SGCZ: variants seen among roughly 807,000 people sequenced by gnomAD.
SGCZ encodes sarcoglycan zeta, also known as zeta-sarcoglycan.
In SGCZ, 40 loss-of-function variants were observed where a neutral mutation model predicts 41.3. The observed-to-expected ratio is 0.97, with a 90% confidence interval of 0.75 to 1.26. The LOEUF (loss-of-function observed/expected upper bound fraction) is 1.26. SGCZ is among the 50% of genes most tolerant of loss of function. The pLI is 0.00. For synonymous variants in SGCZ, 206 were observed against 137.5 expected (o/e 1.50, Z -3.49); for missense variants, 552 against 369.8 (o/e 1.49, Z -4.04).
chr8:14,945,831 C>G (rs1044840795), intron 1 of SGCZ, among the ~76,000 whole-genome samples: 2 of 150,846 alleles, frequency 1.3e-5, no homozygotes, highest in Admixed American at 6.6e-5. Flanking sequence ...GTTACCCCCT[C>G]AGGTTCTCAC....
chr8:15,011,344 A>G (rs1802821505), intron 1 of SGCZ, among the ~76,000 whole-genome samples: 1 of 152,202 alleles, frequency 6.6e-6, no homozygotes, highest in South Asian at 2.1e-4. Context: ...CGGCCATTAC[A>G]GAGTCCACAA....
At chr8:14,746,789 C>T (rs940661018) in intron 1 of SGCZ, among the ~76,000 whole-genome samples, 1 of 152,088 alleles carries the variant, frequency 6.6e-6, no homozygotes, top group Non-Finnish European at 1.5e-5. Context: ...GTATACCAAA[C>T]AGTATTTTTG....
chr8:14,425,347 G>C (rs370646193), intron 2 of SGCZ, among the ~76,000 whole-genome samples: 1 of 152,036 alleles, frequency 6.6e-6, no homozygotes, highest in South Asian at 2.1e-4. Context: ...TTGGATGGTC[G>C]TGATGGCTCA....
intron 1 of SGCZ, among the ~76,000 whole-genome samples, chr8:15,125,108 T>C (rs1006461912): frequency 7.9e-5 from 12 of 152,328 alleles, no homozygotes; most frequent in African/African-American, 2.6e-4. Context: ...TTTTACCATC[T>C]TCTTTGGCAA....
intron 2 of SGCZ, among the ~76,000 whole-genome samples, chr8:14,437,199 T>A (rs76969220): frequency 0.032 from 4,877 of 152,240 alleles, 157 homozygotes; most frequent in African/African-American, 0.081. Context: ...AAAATCATGA[T>A]TATGCAATGG....
chr8:14,516,639 A>G (rs185486652), intron 2 of SGCZ, among the ~76,000 whole-genome samples: 2 of 152,204 alleles, frequency 1.3e-5, no homozygotes, highest in African/African-American at 2.4e-5. Context: ...GTTTGGTACT[A>G]TTCCTAAAAA....
chr8:14,443,474 T>C (rs892377331), intron 2 of SGCZ, among the ~76,000 whole-genome samples: 8 of 152,024 alleles, frequency 5.3e-5, no homozygotes, highest in Admixed American at 1.3e-4. Context: ...TATAGATCAA[T>C]GGAACAGAAC....
chr8:14,195,445 G>T (rs1585220456), intron 4 of SGCZ, among the ~76,000 whole-genome samples: 1 of 152,036 alleles, frequency 6.6e-6, no homozygotes, highest in East Asian at 1.9e-4. Context: ...CTTAGAATTT[G>T]GAGTCTCTGA....
intron 1 of SGCZ, among the ~76,000 whole-genome samples, chr8:15,000,459 T>C (rs1005258991): frequency 7.2e-5 from 11 of 152,296 alleles, no homozygotes; most frequent in African/African-American, 2.6e-4. Context: ...ATGAAAATTA[T>C]TGTCTAACAA....
chr8:14,364,259 TTATTTC>T (rs2117141618), intron 2 of SGCZ, among the ~76,000 whole-genome samples: 1 of 152,354 alleles, frequency 6.6e-6, no homozygotes, highest in Non-Finnish European at 1.5e-5. Context: ...CTACCTTATT[TTATTTC>T]TATATTTACC....
At chr8:14,238,350 G>C (rs1294080580) in intron 3 of SGCZ, among the ~76,000 whole-genome samples, 1 of 152,056 alleles carries the variant, frequency 6.6e-6, no homozygotes. Flanking sequence ...TGTTGACTGA[G>C]TAGATAAAAA....
At chr8:14,593,673 T>C (rs978509220) in intron 1 of SGCZ, among the ~76,000 whole-genome samples, 2 of 152,114 alleles carry the variant, frequency 1.3e-5, no homozygotes, top group Admixed American at 1.3e-4. Context: ...AAATGAAAAA[T>C]AATTATTAAA....
At position 15,237,580 on chromosome 8, in the gene SGCZ, C is replaced by G. The variant is rs374839960; in HGVS notation, c.39+5G>C. 1.7e-5 allele frequency: 27 copies of G among 1,588,658 alleles called. No homozygotes were observed. The highest frequency in any genetic ancestry group is 2.0e-5 in the Non-Finnish European group (23 of 1,165,738). The stretch of plus-strand genomic sequence containing the variant: ...GCCGCGAAGCCCGCCCGGACCCGCA[C>G]GTACCTTGAGCTCCTCAATGTCCAG... On this transcript the variant is annotated splice_donor_5th_base_variant and intron_variant, in intron 1 of 7. Coordinates refer to ENST00000382080, the MANE Select transcript of SGCZ (RefSeq NM_139167.4).
At chr8:15,104,682 T>C (rs1019110418) in intron 1 of SGCZ, among the ~76,000 whole-genome samples, 2 of 86,372 alleles carry the variant, frequency 2.3e-5, no homozygotes, top group African/African-American at 4.6e-5. Context: ...GTAAAACTTG[T>C]TTTTTTCAGC....
chr8:14,459,209 T>C (rs574713602), intron 2 of SGCZ, among the ~76,000 whole-genome samples: 3 of 152,044 alleles, frequency 2.0e-5, no homozygotes, highest in South Asian at 2.1e-4. Flanking sequence ...TAGGTGGGAA[T>C]TGAACAATGA....
intron 5 of SGCZ, among the ~76,000 whole-genome samples, chr8:14,110,475 A>T (rs533110241): frequency 1.3e-5 from 2 of 152,332 alleles, no homozygotes; most frequent in East Asian, 3.9e-4. Flanking sequence ...AAAAACTGAT[A>T]GAGGTCTCAA....
At chr8:14,461,214 A>G (rs777030724) in intron 2 of SGCZ, among the ~76,000 whole-genome samples, 3 of 152,126 alleles carry the variant, frequency 2.0e-5, no homozygotes, top group South Asian at 2.1e-4. Flanking sequence ...CTCAATAGTG[A>G]TAACTTGTTT....
intron 1 of SGCZ, among the ~76,000 whole-genome samples, chr8:14,754,315 T>G (rs548792669): frequency 6.6e-6 from 1 of 152,328 alleles, no homozygotes; most frequent in East Asian, 1.9e-4. Flanking sequence ...ATTGCAGTCT[T>G]CCCTTTCTCA....
intron 1 of SGCZ, among the ~76,000 whole-genome samples, chr8:14,695,879 G>A (rs1453016470): frequency 6.6e-6 from 1 of 151,942 alleles, no homozygotes; most frequent in African/African-American, 2.4e-5. Flanking sequence ...AAAGAACATA[G>A]TTAATGAGCT....
Sources: gnomAD v4.1 joint callset for allele counts (sites outside exome capture counted in the v4.1 genomes callset) on GRCh38, gnomAD v4.1.1 for gene constraint, MANE v1.5 for transcripts, NCBI Gene and HGNC (gene_info 2026-07-23, HGNC 2026-07-21) for gene names.